CSMD1: variants seen among roughly 807,000 people sequenced by gnomAD.
CSMD1 encodes CUB and sushi domain-containing protein 1.
CSMD1 carries 213 observed loss-of-function variants against 417.5 expected under a neutral mutation model. The ratio of observed to expected loss-of-function variants is 0.51; its 90% CI spans 0.46 to 0.57. The LOEUF is 0.57. Ranked by LOEUF, CSMD1 falls within the 20% of genes least tolerant of loss-of-function variation. The pLI, the probability that CSMD1 is intolerant of heterozygous loss-of-function variation, is 0.00. For missense variants in CSMD1, 6,923 were observed against 4,529.7 expected (o/e 1.53, Z -15.17); for synonymous variants, 2,862 against 1,736.8 (o/e 1.65, Z -16.11).
At chr8:3,496,915 G>C (rs1476624885) in intron 10 of CSMD1, among the ~76,000 whole-genome samples, 2 of 152,168 alleles carry the variant, frequency 1.3e-5, no homozygotes, top group Non-Finnish European at 2.9e-5. Flanking sequence ...GGACACTCAG[G>C]AACATGTTTA....
intron 2 of CSMD1, among the ~76,000 whole-genome samples, chr8:4,476,130 A>G (rs1800790255): frequency 6.6e-6 from 1 of 152,030 alleles, no homozygotes; most frequent in Non-Finnish European, 1.5e-5. Flanking sequence ...AGTTACATTA[A>G]CTATTAAAAG....
intron 5 of CSMD1, among the ~76,000 whole-genome samples, chr8:3,989,714 G>C (rs1476816808): frequency 1.3e-5 from 2 of 152,342 alleles, no homozygotes; most frequent in East Asian, 1.9e-4. Context: ...GAAGAACTTA[G>C]ATACTTGTAT....
chr8:4,556,254 T>G (rs1274087752), intron 2 of CSMD1, among the ~76,000 whole-genome samples: 1 of 152,210 alleles, frequency 6.6e-6, no homozygotes, highest in Non-Finnish European at 1.5e-5. Flanking sequence ...AAATGAAAGT[T>G]ATTTTATGGT....
intron 1 of CSMD1, among the ~76,000 whole-genome samples, chr8:4,919,423 A>G (rs1806289336): frequency 6.6e-6 from 1 of 152,220 alleles, no homozygotes; most frequent in Non-Finnish European, 1.5e-5. Flanking sequence ...AATTTCCAAT[A>G]TAATAACAAA....
At chr8:3,260,409 A>G (rs118032724) in intron 26 of CSMD1, among the ~76,000 whole-genome samples, 2 of 152,124 alleles carry the variant, frequency 1.3e-5, no homozygotes, top group South Asian at 2.1e-4. Context: ...AAACACATAG[A>G]AGGAGTATAT....
chr8:3,602,214 T>C (rs965173468), intron 8 of CSMD1, among the ~76,000 whole-genome samples: 7 of 152,352 alleles, frequency 4.6e-5, no homozygotes, highest in South Asian at 4.1e-4. Flanking sequence ...TCCATCTTCC[T>C]GACCAATTAA....
chr8:3,980,144 G>C (rs911520383), intron 5 of CSMD1, among the ~76,000 whole-genome samples: 1 of 152,110 alleles, frequency 6.6e-6, no homozygotes, highest in African/African-American at 2.4e-5. Context: ...AGTGCTGTAC[G>C]GTTTATAGAG....
At chr8:4,630,360 G>T (rs894267137) in intron 2 of CSMD1, among the ~76,000 whole-genome samples, 1 of 151,806 alleles carries the variant, frequency 6.6e-6, no homozygotes, top group Non-Finnish European at 1.5e-5. Context: ...GGGAAGGAGA[G>T]AATTAGGTAT....
intron 50 of CSMD1, among the ~76,000 whole-genome samples, chr8:3,029,779 C>G (rs754870350): frequency 6.6e-6 from 1 of 151,842 alleles, no homozygotes; most frequent in Admixed American, 6.6e-5. Context: ...ATCACTTCCA[C>G]AAAAGTATAT....
rs145857398 is a variant in CSMD1, at chr8:3,252,339, G to C, written c.4154-22108C>G. The stretch of plus-strand genomic sequence containing the variant: ...GATTATCACGTGGTTTTTGTCTTTG[G>C]TTCTGTTTATATGCTGGATTACATT... On this transcript the variant is annotated intron_variant, in intron 26 of 69. Transcript: ENST00000635120. Among the ~76,000 whole-genome samples, 762 of 152,194 alleles carry C rather than the reference G, an allele frequency of 5.0e-3. 5 individuals are homozygous for C. Among genetic ancestry groups the C allele is most frequent in the African/African-American group, 0.017 (715 of 41,522 alleles).
chr8:3,017,716 T>G (rs1233480005), intron 52 of CSMD1, among the ~76,000 whole-genome samples: 1 of 151,296 alleles, frequency 6.6e-6, no homozygotes, highest in Non-Finnish European at 1.5e-5. Context: ...CTATTTGAAG[T>G]TTACTGGGCC....
At chr8:3,372,414 G>A (rs2116722101) in intron 18 of CSMD1, among the ~76,000 whole-genome samples, 1 of 152,214 alleles carries the variant, frequency 6.6e-6, no homozygotes, top group African/African-American at 2.4e-5. Context: ...TGACCTACCT[G>A]GGGTTTAGCC....
intron 43 of CSMD1, among the ~76,000 whole-genome samples, chr8:3,109,004 C>T (rs1298573729): frequency 1.3e-5 from 2 of 152,214 alleles, no homozygotes; most frequent in African/African-American, 4.8e-5. Context: ...GTGGCTCATG[C>T]CTGTCATCCC....
Position 3,213,761 on chromosome 8 carries a change from A to G in CSMD1, c.4867+736T>C, listed in dbSNP as rs536210098. ...TGTAAAAATATATGTGTGTGTATGTATATATATGTGTGTGTGTATGTATAT... is the reference window on the plus strand; with the variant it reads ...TGTAAAAATATATGTGTGTGTATGTGTATATATGTGTGTGTGTATGTATAT... On this transcript the variant is annotated intron_variant, in intron 30 of 69. Coordinates refer to ENST00000635120, the MANE Select transcript of CSMD1 (RefSeq NM_033225.6). Among the ~76,000 whole-genome samples, 8 of 150,958 alleles carry G rather than the reference A, an allele frequency of 5.3e-5. No individual in the cohort carries two copies. In the East Asian group the frequency reaches 1.2e-3, roughly 22 times the overall value.
In CSMD1 at chr8:4,379,782, G is replaced by C. The variant is rs141071316; in HGVS notation, c.415+40171C>G. 3.7e-3 allele frequency among the ~76,000 whole-genome samples: 564 copies of C among 152,252 alleles called. 4 individuals carry two copies. The highest frequency in any genetic ancestry group is 6.8e-3 in the Middle Eastern group (2 of 294). On this transcript the variant is annotated intron_variant, in intron 3 of 69. Coordinates refer to ENST00000635120, the MANE Select transcript of CSMD1 (RefSeq NM_033225.6). ...TCTATGGCCCACACTTTAGGTCCAA[G>C]TCCTCCAGTCAAAATGTTGACAATT...
At chr8:3,170,126 C>T (rs755441457) in intron 37 of CSMD1, among the ~76,000 whole-genome samples, 8 of 152,262 alleles carry the variant, frequency 5.3e-5, no homozygotes, top group Non-Finnish European at 7.3e-5. Context: ...CACCCTTCTG[C>T]GCAAAAGTAA....
intron 5 of CSMD1, among the ~76,000 whole-genome samples, chr8:3,884,241 T>A (rs1563176068): frequency 6.6e-6 from 1 of 152,226 alleles, no homozygotes; most frequent in Non-Finnish European, 1.5e-5. Flanking sequence ...TTGATACGCC[T>A]CTAATGGCAA....
intron 5 of CSMD1, among the ~76,000 whole-genome samples, chr8:3,959,837 T>C (rs1426780902): frequency 2.6e-5 from 4 of 152,218 alleles, no homozygotes; most frequent in South Asian, 2.1e-4. Context: ...CCAAGTGATG[T>C]AGAGAAAAAC....
At chr8:4,828,610 C>G (rs1263846949) in intron 1 of CSMD1, among the ~76,000 whole-genome samples, 1 of 152,132 alleles carries the variant, frequency 6.6e-6, no homozygotes, top group African/African-American at 2.4e-5. Flanking sequence ...AACCTCTCAT[C>G]TGGAATCCCT....
Sources: gnomAD v4.1 joint callset for allele counts (sites outside exome capture counted in the v4.1 genomes callset) on GRCh38, gnomAD v4.1.1 for gene constraint, MANE v1.5 for transcripts, NCBI Gene and HGNC (gene_info 2026-07-23, HGNC 2026-07-21) for gene names.